CNTN4: variants seen among roughly 807,000 people sequenced by gnomAD.
CNTN4 encodes the protein contactin 4.
In CNTN4, 77 loss-of-function variants were observed where a neutral mutation model predicts 122.5. The observed-to-expected ratio is 0.63, with a 90% confidence interval of 0.52 to 0.76. The LOEUF (loss-of-function observed/expected upper bound fraction) is 0.76. Ranked by LOEUF, CNTN4 falls within the 30% of genes least tolerant of loss-of-function variation. CNTN4 has a pLI of 0.00. For missense variants in CNTN4, 1,256 were observed against 1,259.1 expected, an observed-to-expected ratio of 1.00 and a Z score of 0.04; for synonymous variants, 512 against 447.0, an observed-to-expected ratio of 1.15 and a Z score of -1.83.
intron 4 of CNTN4, among the ~76,000 whole-genome samples, chr3:2,594,535 C>T (rs1272865331): frequency 6.6e-6 from 1 of 151,620 alleles, no homozygotes; most frequent in African/African-American, 2.4e-5. Context: ...TCTCCTGCCT[C>T]AGCCTCCCGA....
At chr3:2,273,860 T>C (rs940142443) in intron 2 of CNTN4, among the ~76,000 whole-genome samples, 6 of 152,184 alleles carry the variant, frequency 3.9e-5, no homozygotes, top group African/African-American at 9.6e-5. Flanking sequence ...TCTATCTTAA[T>C]GTATCTTTTT....
At chr3:2,280,449 T>C (rs1472012902) in intron 2 of CNTN4, among the ~76,000 whole-genome samples, 1 of 152,246 alleles carries the variant, frequency 6.6e-6, no homozygotes, top group Non-Finnish European at 1.5e-5. Context: ...AACAAAAATC[T>C]TAATTTAGCT....
At chr3:2,912,576 T>C (rs567603918) in intron 12 of CNTN4, among the ~76,000 whole-genome samples, 11 of 152,298 alleles carry the variant, frequency 7.2e-5, no homozygotes, top group African/African-American at 2.2e-4. Flanking sequence ...TTTATAAAAA[T>C]CTGGTATAGA....
intron 3 of CNTN4, among the ~76,000 whole-genome samples, chr3:2,536,800 A>G (rs1164922974): frequency 6.6e-6 from 1 of 152,080 alleles, no homozygotes; most frequent in African/African-American, 2.4e-5. Flanking sequence ...TTCTTTCTGT[A>G]CTTCACAATG....
At chr3:2,833,242 G>C (rs920025683) in intron 7 of CNTN4, among the ~76,000 whole-genome samples, 2 of 152,204 alleles carry the variant, frequency 1.3e-5, no homozygotes, top group Admixed American at 1.3e-4. Flanking sequence ...TGCAGATTGA[G>C]GTTTGAAGGG....
At chr3:2,187,371 A>C (rs562792369) in intron 2 of CNTN4, among the ~76,000 whole-genome samples, 36 of 152,276 alleles carry the variant, frequency 2.4e-4, no homozygotes, top group African/African-American at 8.7e-4. Context: ...TGATGCCTCC[A>C]GCTTTGTTCT....
chr3:2,272,534 TA>T (rs1370442593), intron 2 of CNTN4, among the ~76,000 whole-genome samples: 1 of 152,184 alleles, frequency 6.6e-6, no homozygotes, highest in Non-Finnish European at 1.5e-5. Flanking sequence ...TATACTATGA[TA>T]AAGATCTTTG....
intron 14 of CNTN4, among the ~76,000 whole-genome samples, chr3:2,994,815 A>G (rs1016898346): frequency 4.6e-5 from 7 of 152,156 alleles, no homozygotes; most frequent in Admixed American, 1.3e-4. Context: ...CCAATCTTCT[A>G]TGTAAAACTG....
rs184688036 is a variant in CNTN4 at position 2,309,838 on chromosome 3, C to A, written c.-144-29340C>A. ...GAAACCATTTGCCACCTCTGTTTTC[C>A]ACATGTGGAAAGTCTCAGGACCAGC... On this transcript the variant is annotated intron_variant, in intron 2 of 24. Transcript: ENST00000418658. Among the ~76,000 whole-genome samples, 271 of 152,234 alleles carry A rather than the reference C, an allele frequency of 1.8e-3. 4 individuals carry two copies. Among genetic ancestry groups the A allele is most frequent in the Non-Finnish European group, 3.5e-4 (24 of 67,990 alleles).
At chr3:2,477,405 A>G (rs1283155654) in intron 3 of CNTN4, among the ~76,000 whole-genome samples, 1 of 152,182 alleles carries the variant, frequency 6.6e-6, no homozygotes, top group Non-Finnish European at 1.5e-5. Flanking sequence ...TTCCCATGAC[A>G]TAAGCTCTGT....
intron 6 of CNTN4, among the ~76,000 whole-genome samples, chr3:2,791,949 A>T (rs796402951): frequency 6.6e-6 from 1 of 152,116 alleles, no homozygotes; most frequent in South Asian, 2.1e-4. Flanking sequence ...CCACTCAGAT[A>T]ATCCGGGATG....
At chr3:2,200,649 T>C (rs1406019644) in intron 2 of CNTN4, among the ~76,000 whole-genome samples, 1 of 152,188 alleles carries the variant, frequency 6.6e-6, no homozygotes, top group African/African-American at 2.4e-5. Context: ...TAAATTAATA[T>C]ATTTTAAAGC....
intron 13 of CNTN4, among the ~76,000 whole-genome samples, chr3:2,929,730 T>G (rs1460079860): frequency 6.6e-6 from 1 of 152,152 alleles, no homozygotes; most frequent in African/African-American, 2.4e-5. Flanking sequence ...CACCCTCTTT[T>G]CCAATGTATC....
intron 7 of CNTN4, among the ~76,000 whole-genome samples, chr3:2,829,814 A>G (rs551731509): frequency 2.1e-3 from 315 of 152,262 alleles, no homozygotes; most frequent in Non-Finnish European, 2.8e-3. Context: ...CAGTTTCTTA[A>G]AGTAACCTTG....
chr3:2,340,706 T>TAGAGAGAGAG (rs1176854234), intron 3 of CNTN4, among the ~76,000 whole-genome samples: 5 of 24,068 alleles, frequency 2.1e-4, no homozygotes, highest in African/African-American at 4.4e-4. Flanking sequence ...TATATATATA[T>TAGAGAGAGAG]ATATAGAGAG....
Position 2,641,362 on chromosome 3 carries a change from G to A in CNTN4, c.55+69804G>A, listed in dbSNP as rs537572971. On this transcript the variant is annotated intron_variant, in intron 4 of 24. Transcript: ENST00000418658. Reference sequence around the variant, plus strand: ...GGAGTACATATTATTCACATTTTTTGTAGACGTGAAAGCAGGAAACACTTA... The same window carrying A: ...GGAGTACATATTATTCACATTTTTTATAGACGTGAAAGCAGGAAACACTTA... Among the ~76,000 whole-genome samples, 9 of 152,156 alleles carry A rather than the reference G, an allele frequency of 5.9e-5. No homozygotes were observed. The South Asian group carries it at 1.0e-3, about 18-fold the overall frequency.
chr3:2,702,321 A>G (rs776948236), intron 4 of CNTN4, among the ~76,000 whole-genome samples: 2 of 152,376 alleles, frequency 1.3e-5, no homozygotes, highest in South Asian at 2.1e-4. Flanking sequence ...ATACAGGCAC[A>G]TGTAGGTAAA....
At position 2,452,624 on chromosome 3, in the gene CNTN4, A is replaced by AT. The variant is rs2048869609; in HGVS notation, c.-89+113397dup. On this transcript the variant is annotated intron_variant, in intron 3 of 24. Coordinates refer to ENST00000418658, the MANE Select transcript of CNTN4 (RefSeq NM_175607.3). Reference sequence around the variant, plus strand: ...AATGCATCCATACTTTTAGTGCTGTATTTTTTGCTGAATTGGTATTTATCT... The same window carrying AT: ...AATGCATCCATACTTTTAGTGCTGTATTTTTTTGCTGAATTGGTATTTATCT... 3.9e-5 allele frequency among the ~76,000 whole-genome samples: 6 copies of AT among 152,190 alleles called. No homozygotes were observed. The South Asian group carries it at 1.2e-3, about 32-fold the overall frequency.
chr3:2,906,807 G>A (rs1275623573), intron 12 of CNTN4, among the ~76,000 whole-genome samples: 1 of 148,338 alleles, frequency 6.7e-6, no homozygotes, highest in Non-Finnish European at 1.5e-5. Context: ...TCGTGTCATT[G>A]CACTCCGGCC....
Sources: gnomAD v4.1 joint callset for allele counts (sites outside exome capture counted in the v4.1 genomes callset) on GRCh38, gnomAD v4.1.1 for gene constraint, MANE v1.5 for transcripts, NCBI Gene and HGNC (gene_info 2026-07-23, HGNC 2026-07-21) for gene names.